Variants in ZNF7 observed in about 807,000 individuals in gnomAD.
ZNF7 encodes the protein zinc finger protein 7.
Under a neutral mutation model 12.0 loss-of-function variants are expected in ZNF7, and 10 were observed. The ratio of observed to expected loss-of-function variants is 0.83; its 90% CI spans 0.51 to 1.42. The LOEUF (loss-of-function observed/expected upper bound fraction) is 1.42, where lower values mean the gene tolerates loss of function less well. Among genes scored for constraint, ZNF7 ranks in the 40% most tolerant of loss-of-function variants. The pLI is 0.00. For synonymous variants in ZNF7, 334 were observed against 295.0 expected, an observed-to-expected ratio of 1.13 and a Z score of -1.35; for missense variants, 854 against 837.2, an observed-to-expected ratio of 1.02 and a Z score of -0.25.
chr8:144,830,132 G>A (rs988595008), intron 3 of ZNF7, among the ~76,000 whole-genome samples: 1 of 152,130 alleles, frequency 6.6e-6, no homozygotes, highest in Non-Finnish European at 1.5e-5. Context: ...GGTGAGGGGG[G>A]GTGCGTCTTA....
At chr8:144,830,824 C>A in intron 3 of ZNF7, 1 of 406,370 alleles carries the variant, frequency 2.5e-6, no homozygotes, top group Non-Finnish European at 5.0e-6. Flanking sequence ...ACCTCCGCCT[C>A]CTGGGTTCAA....
chr8:144,840,302 C>T lies in ZNF7; in HGVS notation c.248-1053C>T, dbSNP rs147451655. On this transcript the variant is annotated intron_variant, in intron 4 of 4. Coordinates refer to ENST00000532777, the MANE Select transcript of ZNF7 (RefSeq NM_003416.4). ...GTTGAAAGGGCTTCCTGCTCTGATT[C>T]TCCAGGACTGATAGGAAGACCTTTG... Among the ~76,000 whole-genome samples, 412 of 152,346 alleles carry T rather than the reference C, an allele frequency of 2.7e-3. 3 individuals carry two copies. Among genetic ancestry groups the T allele is most frequent in the African/African-American group, 9.2e-3 (382 of 41,578 alleles).
chr8:144,836,013 T>C (rs543515429), intron 3 of ZNF7: 5 of 152,366 alleles, frequency 3.3e-5, no homozygotes, highest in African/African-American at 1.2e-4. Context: ...TTACCTCATT[T>C]GTGTTTTAAA....
At chr8:144,841,315 C>T in intron 4 of ZNF7, 40 bp from the exon 5 acceptor site, 1 of 1,550,946 alleles carries the variant, frequency 6.4e-7, no homozygotes, top group Non-Finnish European at 8.7e-7. Flanking sequence ...TTTCTCTGAG[C>T]ACAGGGCCTA....
downstream of ZNF7, chr8:144,846,697 GA>G (rs1034155972): frequency 9.1e-5 from 14 of 153,636 alleles, no homozygotes; most frequent in African/African-American, 3.4e-4. Context: ...GGGATGGGAG[GA>G]GGAGTCTTCT....
chr8:144,844,735 A>AG (rs1173869850), downstream of ZNF7, among the ~76,000 whole-genome samples: 1 of 148,578 alleles, frequency 6.7e-6, no homozygotes, highest in African/African-American at 2.5e-5. Context: ...AAAAAAAAAA[A>AG]ACGAAAATGG....
intron 4 of ZNF7, among the ~76,000 whole-genome samples, chr8:144,840,805 T>A (rs1563838330): frequency 6.6e-6 from 1 of 152,122 alleles, no homozygotes; most frequent in Non-Finnish European, 1.5e-5. Flanking sequence ...CTGAGGGGGC[T>A]GGGTCCTGCT....
rs1828170510 is a variant in ZNF7 at position 144,829,377 on chromosome 8, G to A, written c.4-101G>A. 12 of 1,578,472 alleles carry A rather than the reference G, an allele frequency of 7.6e-6. No individual in the cohort carries two copies. The Admixed American group carries it at 1.0e-4, about 14-fold the overall frequency. The stretch of plus-strand genomic sequence containing the variant: ...GCAGAGGAGTCCTGGTGAGCGTCTC[G>A]CCCAACCCCATGGGGCAGCTGCCTG... On this transcript the variant is annotated intron_variant, in intron 2 of 4. Transcript: ENST00000532777.
intron 4 of ZNF7, 53 bp from the exon 5 acceptor site, chr8:144,841,302 T>C (rs933498128): frequency 2.0e-6 from 3 of 1,529,572 alleles, no homozygotes; most frequent in African/African-American, 1.4e-5. Flanking sequence ...TGTAGTCTTA[T>C]CATTTCTCTG....
chr8:144,837,208 T>G lies in ZNF7; in HGVS notation c.131-183T>G, dbSNP rs140655502. The G allele has an allele frequency of 3.4e-4, 165 of 485,628 alleles. 1 individual carries two copies. Among genetic ancestry groups the G allele is most frequent in the African/African-American group, 2.6e-3 (138 of 52,940 alleles). 30.1% of individuals were successfully genotyped at this position (485,628 alleles called of 1,614,324 possible). On this transcript the variant is annotated intron_variant, in intron 3 of 4. Transcript: ENST00000532777. Reference sequence around the variant, plus strand: ...TCCAGCCACAGGAGGTGGACAGATCTGGACAGAAAGGGCTGCTGTGTCCCC... The same window carrying G: ...TCCAGCCACAGGAGGTGGACAGATCGGGACAGAAAGGGCTGCTGTGTCCCC...
At chr8:144,830,794 C>A in intron 3 of ZNF7, 1 of 353,986 alleles carries the variant, frequency 2.8e-6, no homozygotes, top group Non-Finnish European at 5.6e-6. Context: ...AGTGCAATGG[C>A]GCGATCTTGG....
At chr8:144,829,712 G>A in intron 3 of ZNF7, 108 bp downstream of exon 3, 1 of 1,403,422 alleles carries the variant, frequency 7.1e-7, no homozygotes, top group Non-Finnish European at 9.5e-7. Flanking sequence ...AGACCCTTGT[G>A]GGCTCCACAG....
chr8:144,833,437 C>T (rs190674645), intron 3 of ZNF7, among the ~76,000 whole-genome samples: 107 of 152,018 alleles, frequency 7.0e-4, no homozygotes, highest in Admixed American at 3.3e-3. Flanking sequence ...GGTGCGATCT[C>T]GGCTCACTGC....
chr8:144,839,836 C>T (rs1219150546), intron 4 of ZNF7, among the ~76,000 whole-genome samples: 1 of 152,208 alleles, frequency 6.6e-6, no homozygotes, highest in Non-Finnish European at 1.5e-5. Context: ...CAGCTGTGCA[C>T]CCCCACGCTT....
At chr8:144,838,469 A>G (rs7839569) in intron 4 of ZNF7, 18,107 of 313,434 alleles carry the variant, frequency 0.058, 981 homozygotes, top group African/African-American at 0.17. Flanking sequence ...GCTGCCCAGC[A>G]TGACAAGGGA....
chr8:144,842,443 T>C lies in ZNF7; in HGVS notation c.1336T>C (p.Cys446Arg). ...AGAGAAGCCTTATAAATGCAACAAG[T>C]GTACAAAAGCCTTTGGTTGTAGTTC... ...TGEKPYKCNK[C>R]TKAFGCSSRL... The change falls in exon 5 of 5, where the codon TGT becomes CGT. Residue 446 changes from cysteine (C) to arginine (R), a missense_variant. Coordinates refer to ENST00000532777, the MANE Select transcript of ZNF7 (RefSeq NM_003416.4). 4 of 1,614,188 alleles carry C rather than the reference T, an allele frequency of 2.5e-6. No individual in the cohort carries two copies. Among genetic ancestry groups the C allele is most frequent in the Non-Finnish European group, 3.4e-6 (4 of 1,180,034 alleles).
chr8:144,846,166 A>ATGGATGGTC, downstream of ZNF7: 11 of 1,536,098 alleles, frequency 7.2e-6, no homozygotes, highest in Non-Finnish European at 9.6e-6. Context: ...CGTCAGCCAT[A>ATGGATGGTC]TGGATGGTCT....
chr8:144,843,998 G>T (rs550088680), downstream of ZNF7, among the ~76,000 whole-genome samples: 2 of 152,288 alleles, frequency 1.3e-5, no homozygotes, highest in East Asian at 3.9e-4. Context: ...TGGGCTAGCA[G>T]GTACACGCCA....
At position 144,842,184 on chromosome 8, in the gene ZNF7, G is replaced by A; in HGVS notation, c.1077G>A (p.Glu359=). The A allele has an allele frequency of 1.2e-6, 2 of 1,614,046 alleles. No homozygotes were observed. Among genetic ancestry groups the A allele is most frequent in the Non-Finnish European group, 1.7e-6 (2 of 1,179,998 alleles). ...LVRHQRTHTG[E]RPYPCKECGK... ...GACACCAGAGAACTCACACTGGGGA[G>A]AGGCCCTACCCTTGCAAGGAGTGTG... The change falls in exon 5 of 5, where the codon GAG becomes GAA. Residue 359 remains glutamate, a synonymous_variant. Coordinates refer to ENST00000532777, the MANE Select transcript of ZNF7 (RefSeq NM_003416.4).
Sources: allele counts gnomAD v4.1 joint callset (sites outside exome capture counted in the v4.1 genomes callset), GRCh38; gene constraint gnomAD v4.1.1; transcripts MANE v1.5; gene names NCBI Gene and HGNC (gene_info 2026-07-23, HGNC 2026-07-21).